NLRP14: variants seen among roughly 807,000 people sequenced by gnomAD.
The protein encoded by NLRP14 is NLR family pyrin domain containing 14.
A neutral mutation model predicts 94.7 loss-of-function variants in NLRP14; 105 were observed. The ratio of observed to expected loss-of-function variants is 1.11; its 90% confidence interval spans 0.95 to 1.30. NLRP14 has a LOEUF of 1.30. NLRP14 is among the 50% of genes most tolerant of loss of function. The pLI, the probability that NLRP14 is intolerant of heterozygous loss-of-function variation, is 0.00. For synonymous variants in NLRP14, 508 were observed against 459.9 expected, an observed-to-expected ratio of 1.10 and a Z score of -1.34; for missense variants, 1,362 against 1,254.1, an observed-to-expected ratio of 1.09 and a Z score of -1.30.
chr11:7,058,424 T>C lies in NLRP14; in HGVS notation c.2607T>C (p.His869=), dbSNP rs770734027. Residue 869 remains histidine, a synonymous_variant, in exon 8 of 12, where the codon CAT becomes CAC. Transcript: ENST00000299481. ...GVKLMSDALQ[H]AQCTLKSLVL... ...AGCTTATGAGTGATGCCCTGCAACA[T>C]GCACAATGTACTCTGAAGAGCCTTG... 2 of 1,612,534 alleles carry C rather than the reference T, an allele frequency of 1.2e-6. No individual in the cohort carries two copies. Among genetic ancestry groups the C allele is most frequent in the Middle Eastern group, 1.7e-4 (1 of 6,052 alleles).
At chr11:7,076,450 G>C (rs1342479802), downstream of NLRP14, among the ~76,000 whole-genome samples, 1 of 151,758 alleles carries the variant, frequency 6.6e-6, no homozygotes, top group Non-Finnish European at 1.5e-5. Context: ...AACTTCTTAA[G>C]TTGGATTCTT....
rs1852642278 is a variant in NLRP14 at position 7,062,607 on chromosome 11, G to GA, written c.2975+106dup. On this transcript the variant is annotated intron_variant, in intron 10 of 11. Transcript: ENST00000299481. The stretch of plus-strand genomic sequence containing the variant: ...AGAGGATAAAAACTAAATGGGGCTA[G>GA]AAGGTAAGTTACTCTCAGAAATAAG... The GA allele has an allele frequency of 4.1e-6, 4 of 972,306 alleles. No homozygotes were observed. The South Asian group carries it at 5.2e-5, about 13-fold the overall frequency. 60.2% of individuals were successfully genotyped at this position (972,306 alleles called of 1,614,324 possible).
the NLRP14 span, chr11:7,089,817 C>G: frequency 6.2e-7 from 1 of 1,607,834 alleles, no homozygotes; most frequent in African/African-American, 1.3e-5. Flanking sequence ...GGGTTTTGCC[C>G]CCTCGCCCGG....
chr11:7,080,482 C>G, the NLRP14 span, among the ~76,000 whole-genome samples: 1 of 152,136 alleles, frequency 6.6e-6, no homozygotes, highest in African/African-American at 2.4e-5. Context: ...ATAACCAGGT[C>G]CATGCATGTT....
chr11:7,029,262 G>C (rs753704448), intron 1 of NLRP14, among the ~76,000 whole-genome samples: 1 of 152,112 alleles, frequency 6.6e-6, no homozygotes, highest in African/African-American at 2.4e-5. Context: ...AATCCTACAA[G>C]CATTTTTACC....
chr11:7,090,743 A>C, the NLRP14 span: 1 of 188,182 alleles, frequency 5.3e-6, no homozygotes, highest in African/African-American at 2.4e-5. Flanking sequence ...TGCTACTCTT[A>C]AGATTTCAGG....
downstream of NLRP14, among the ~76,000 whole-genome samples, chr11:7,073,546 C>G (rs1470799542): frequency 1.3e-5 from 2 of 152,132 alleles, no homozygotes; most frequent in Non-Finnish European, 2.9e-5. Context: ...CCACAAGACT[C>G]TCCCCTATTT....
the NLRP14 span, among the ~76,000 whole-genome samples, chr11:7,079,414 G>A: frequency 6.6e-6 from 1 of 152,182 alleles, no homozygotes; most frequent in Non-Finnish European, 1.5e-5. Context: ...TCTGCCATTA[G>A]TTGTAAAAGG....
chr11:7,034,238 A>G (rs1330342926), intron 1 of NLRP14, among the ~76,000 whole-genome samples: 1 of 152,140 alleles, frequency 6.6e-6, no homozygotes, highest in Non-Finnish European at 1.5e-5. Context: ...GGACTCATGG[A>G]CATTTGCTTT....
At position 7,042,855 on chromosome 11, in the gene NLRP14, G is replaced by A. The variant is rs372852266; in HGVS notation, c.829G>A (p.Glu277Lys). Reference sequence around the variant, plus strand: ...TGAAGAACCTGAGTTTGCACTGTGCGAAGACTGGACCCAAGAACACCCAGT... The same window carrying A: ...TGAAGAACCTGAGTTTGCACTGTGCAAAGACTGGACCCAAGAACACCCAGT... ...AFEEPEFALC[E>K]DWTQEHPVSF... The change falls in exon 4 of 12, where the codon GAA (glutamate) becomes AAA (lysine). Residue 277 changes from glutamate to lysine, a missense_variant. Transcript: ENST00000299481. The A allele has an allele frequency of 1.9e-5, 30 of 1,614,036 alleles. No homozygotes were observed. The highest frequency in any genetic ancestry group is 2.7e-5 in the African/African-American group (2 of 74,894).
At chr11:7,038,052 T>G (rs1353040940) in intron 1 of NLRP14, among the ~76,000 whole-genome samples, 1 of 152,126 alleles carries the variant, frequency 6.6e-6, no homozygotes, top group East Asian at 1.9e-4. Flanking sequence ...TCTAATTGCA[T>G]GTGTTTGTTG....
chr11:7,079,607 C>T, the NLRP14 span, among the ~76,000 whole-genome samples: 2 of 152,170 alleles, frequency 1.3e-5, no homozygotes, highest in African/African-American at 4.8e-5. Context: ...TATGTTAGAA[C>T]CTCTTCATTG....
chr11:7,037,135 C>G (rs1335515325), intron 1 of NLRP14, among the ~76,000 whole-genome samples: 1 of 152,338 alleles, frequency 6.6e-6, no homozygotes, highest in East Asian at 1.9e-4. Flanking sequence ...ACCATATTCT[C>G]TATGTCCTGG....
intron 2 of NLRP14, among the ~76,000 whole-genome samples, chr11:7,039,385 T>G (rs1852212898): frequency 6.6e-6 from 1 of 151,910 alleles, no homozygotes; most frequent in East Asian, 1.9e-4. Flanking sequence ...ATATATAATA[T>G]TCATATCTAT....
At chr11:7,061,269 G>A (rs1382285116) in intron 9 of NLRP14, among the ~76,000 whole-genome samples, 1 of 152,086 alleles carries the variant, frequency 6.6e-6, no homozygotes, top group Non-Finnish European at 1.5e-5. Context: ...GGGTTACTAT[G>A]TGATTCTCTG....
intron 1 of NLRP14, among the ~76,000 whole-genome samples, chr11:7,024,797 G>A (rs1030470038): frequency 9.9e-5 from 15 of 152,080 alleles, no homozygotes; most frequent in African/African-American, 3.1e-4. Flanking sequence ...AATTAAGCAT[G>A]TTAGCAATTG....
rs117823353 is a variant in NLRP14, at chr11:7,039,717, C to T, written c.293C>T (p.Ser98Leu). 50,372 of 1,611,794 alleles carry T rather than the reference C, an allele frequency of 0.031. 914 individuals carry two copies. Among genetic ancestry groups the T allele is most frequent in the Middle Eastern group, 0.049 (295 of 6,054 alleles). The change falls in exon 3 of 12, where the codon TCG becomes TTG. Residue 98 changes from serine (S) to leucine (L), a missense_variant. Ser to Leu is a moderately radical substitution (Grantham distance 145, BLOSUM62 -2). Transcript: ENST00000299481. ...ATCCTATCGGAACCTGTTGCAGGGT[C>T]GGCCCAGACTATAGGACCAGATGAT... Reference protein sequence around the residue: ...CERAKEEINWSAQTIGPDDAK... With the variant: ...CERAKEEINWLAQTIGPDDAK...
the NLRP14 span, among the ~76,000 whole-genome samples, chr11:7,077,530 A>G: frequency 1.3e-5 from 2 of 152,268 alleles, no homozygotes; most frequent in Non-Finnish European, 2.9e-5. Flanking sequence ...TGCTGTTTGA[A>G]TAAATGAGGG....
chr11:7,070,246 G>C (rs770038582), intron 10 of NLRP14, 40 bp from the exon 11 acceptor site: 3 of 1,475,786 alleles, frequency 2.0e-6, no homozygotes, highest in Admixed American at 3.4e-5. Context: ...TTGTGTCATC[G>C]AATAAATTCA....
Sources: gnomAD v4.1 joint callset for allele counts (sites outside exome capture counted in the v4.1 genomes callset) on GRCh38, gnomAD v4.1.1 for gene constraint, MANE v1.5 for transcripts, NCBI Gene and HGNC (gene_info 2026-07-23, HGNC 2026-07-21) for gene names.